The following MUC5B variants were observed in gnomAD, a reference collection of about 807,000 sequenced individuals.
MUC5B encodes mucin-5B.
A neutral mutation model predicts 376.9 loss-of-function variants in MUC5B; 116 were observed. The observed-to-expected ratio is 0.31, with a 90% CI of 0.26 to 0.36. The LOEUF is 0.36. Among genes scored for constraint, MUC5B ranks in the 10% least tolerant of loss-of-function variants. The probability of loss-of-function intolerance (pLI) is 1.00; values close to 1 mark genes in which losing one functional copy is unlikely to be tolerated. For synonymous variants in MUC5B, 3,517 were observed against 3,390.9 expected, an observed-to-expected ratio of 1.04 and a Z score of -1.29; for missense variants, 7,165 against 7,769.9, an observed-to-expected ratio of 0.92 and a Z score of 2.93.
At chr11:1,251,989 C>T (rs1023160263) in intron 31 of MUC5B, among the ~76,000 whole-genome samples, 9 of 150,890 alleles carry the variant, frequency 6.0e-5, no homozygotes, top group Admixed American at 5.3e-4. Context: ...GGCCACAATG[C>T]GTCCCCCTTG....
intron 24 of MUC5B, 136 bp downstream of exon 24, chr11:1,236,698 C>T (rs1311616057): frequency 4.1e-5 from 46 of 1,130,636 alleles, no homozygotes; most frequent in Non-Finnish European, 5.5e-5. Context: ...TGCCTGTGGC[C>T]TCCACAGTGG....
chr11:1,229,023 G>A (rs938615132), intron 8 of MUC5B, 147 bp from the exon 9 acceptor site: 5 of 988,174 alleles, frequency 5.1e-6, no homozygotes, highest in South Asian at 3.5e-5. Context: ...AGCTGCCCAC[G>A]ATGAGGGGCG....
chr11:1,230,036 G>C lies in MUC5B; in HGVS notation c.1252G>C (p.Asp418His). 1 of 1,608,462 alleles carries C rather than the reference G, an allele frequency of 6.2e-7. No homozygotes were observed. The highest frequency in any genetic ancestry group is 1.1e-5 in the South Asian group (1 of 90,632). ...TCSGGLWQCQ[D>H]LPCPGTCSVQ... is the part of the protein sequence containing the mutation. ...CTCCGGGGGGCTATGGCAGTGCCAG[G>C]ACCTGCCGTGCCCTGGCACCTGCTC... is the stretch of plus-strand genomic sequence containing the variant. Residue 418 changes from aspartate to histidine, a missense_variant, in exon 11 of 49, where the codon GAC becomes CAC. Asp to His is a moderately conservative substitution (Grantham distance 81). This residue lies in a region of MUC5B where 640 missense variants were observed against 733.0 expected (regional missense o/e 0.87). Transcript: ENST00000529681.
At position 1,252,841 on chromosome 11, in the gene MUC5B, G is replaced by A. The variant is rs376632079; in HGVS notation, c.15078G>A (p.Thr5026=). Residue 5026 remains threonine, a synonymous_variant, in exon 33 of 49, where the codon ACG becomes ACA. Transcript: ENST00000529681. ...AGACCTGGACCCTGGAGAACTGCAC[G>A]GTGGCCAGGTGCGTGGGTGACAACC... ...VNETWTLENC[T]VARCVGDNRV... is the part of the protein sequence containing the mutation. 336 of 1,611,500 alleles carry A rather than the reference G, an allele frequency of 2.1e-4. No individual in the cohort carries two copies. Among genetic ancestry groups the A allele is most frequent in the Admixed American group, 1.9e-3 (114 of 59,876 alleles).
intron 16 of MUC5B, 49 bp downstream of exon 16, chr11:1,232,593 A>C (rs1226028855): frequency 6.2e-7 from 1 of 1,601,198 alleles, no homozygotes; most frequent in Non-Finnish European, 8.5e-7. Flanking sequence ...TGGGTGGGGG[A>C]GCCCTGGCAG....
Position 1,251,279 on chromosome 11 carries a change from C to G in MUC5B, c.14399C>G (p.Thr4800Arg), listed in dbSNP as rs545880372. ...GTGCTGACCACCACAGCCACCATGA[C>G]AAGGGCCACCAATTCCACGGCCACA... ...STVLTTTATM[T>R]RATNSTATPS... is the part of the protein sequence containing the mutation. The change falls in exon 31 of 49, where the codon ACA becomes AGA. Residue 4800 changes from threonine (T) to arginine (R), a missense_variant. Physicochemically the swap from Thr to Arg is moderately conservative, Grantham distance 71. Transcript: ENST00000529681. 1.2e-6 allele frequency: 2 copies of G among 1,611,530 alleles called. No individual in the cohort carries two copies. The highest frequency in any genetic ancestry group is 8.5e-7 in the Non-Finnish European group (1 of 1,178,354).
Position 1,231,539 on chromosome 11 carries a change from G to A in MUC5B, c.1657G>A (p.Ala553Thr), listed in dbSNP as rs1448515931. The part of the protein sequence containing the change: ...LMQVFVRLDP[A>T]HQGQMCGLCG... ...GCAGGTGTTTGTCAGGCTGGACCCC[G>A]CCCACCAGGGCCAGATGTGCGGTGA... The change falls in exon 14 of 49, where the codon GCC becomes ACC. Residue 553 changes from alanine (A) to threonine (T), a missense_variant. Coordinates refer to ENST00000529681, the MANE Select transcript of MUC5B (RefSeq NM_002458.3). 5.7e-6 allele frequency: 9 copies of A among 1,582,298 alleles called. No homozygotes were observed. Among genetic ancestry groups the A allele is most frequent in the Middle Eastern group, 1.7e-4 (1 of 6,056 alleles).
chr11:1,249,741 C>G lies in MUC5B; in HGVS notation c.12861C>G (p.Thr4287=), dbSNP rs774760188. Residue 4287 remains threonine (T), a synonymous_variant, in exon 31 of 49, where the codon ACC becomes ACG. Transcript: ENST00000529681. ...PPPKVLTSPA[T]TPTATSSKAT... is the part of the protein sequence containing the mutation. ...CCAAAGTGCTGACCAGCCCGGCCAC[C>G]ACACCCACAGCCACCAGTTCCAAAG... The G allele has an allele frequency of 6.2e-7, 1 of 1,612,156 alleles. No individual in the cohort carries two copies. The highest frequency in any genetic ancestry group is 1.7e-5 in the Admixed American group (1 of 59,952).
At position 1,231,366 on chromosome 11, in the gene MUC5B, A is replaced by G. The variant is rs1458552431; in HGVS notation, c.1541-57A>G. 6.5e-6 allele frequency: 10 copies of G among 1,540,092 alleles called. No individual in the cohort carries two copies. The East Asian group carries it at 1.4e-4, about 21-fold the overall frequency. On this transcript the variant is annotated intron_variant, in intron 13 of 48. Coordinates refer to ENST00000529681, the MANE Select transcript of MUC5B (RefSeq NM_002458.3). Reference sequence around the variant, plus strand: ...GCCCACTGGATGCCCTGCCCCTCCAATCTAGCCAGATCTGTCCCTGCACCC... The same window carrying G: ...GCCCACTGGATGCCCTGCCCCTCCAGTCTAGCCAGATCTGTCCCTGCACCC...
At position 1,251,592 on chromosome 11, in the gene MUC5B, C is replaced by T. The variant is rs1159454762; in HGVS notation, c.14712C>T (p.Arg4904=). 1.9e-6 allele frequency: 3 copies of T among 1,613,046 alleles called. No individual in the cohort carries two copies. The highest frequency in any genetic ancestry group is 2.7e-5 in the African/African-American group (2 of 75,066). Residue 4904 remains arginine, a synonymous_variant, in exon 31 of 49, where the codon CGC becomes CGT. Coordinates refer to ENST00000529681, the MANE Select transcript of MUC5B (RefSeq NM_002458.3). ...GCTCGTCCACCGTGGGGACCACCCG[C>T]ACCCCTGCAGTGCTCCCCAGCAGCC... ...VPSSSTVGTT[R]TPAVLPSSLP...
chr11:1,230,676 G>A lies in MUC5B; in HGVS notation c.1470+76G>A, dbSNP rs1279487715. 2.2e-6 allele frequency: 3 copies of A among 1,358,594 alleles called. No homozygotes were observed. In the African/African-American group the frequency reaches 4.3e-5, roughly 19 times the overall value. The allele number at this position is 1,358,594 out of a possible 1,614,324, so 84.2% of individuals were successfully genotyped here. On this transcript the variant is annotated intron_variant, in intron 12 of 48. Transcript: ENST00000529681. ...GTGTGTGGGGAGCAAGCACGGTCAG[G>A]TCCCCCTCCAGCCCCGAGGCCAGGT...
Position 1,246,850 on chromosome 11 carries a change from C to T in MUC5B, c.9970C>T (p.Pro3324Ser). 1 of 1,610,610 alleles carries T rather than the reference C, an allele frequency of 6.2e-7. No homozygotes were observed. The highest frequency in any genetic ancestry group is 1.1e-5 in the South Asian group (1 of 90,964). ...TGFTATPSSS[P>S]GTALTPPVWI... ...CTTCACAGCCACCCCCTCCTCCAGC[C>T]CAGGGACGGCACTCACGCCTCCAGT... The change falls in exon 31 of 49, where the codon CCA (proline) becomes TCA (serine). Residue 3324 changes from proline (P) to serine (S), a missense_variant. Pro to Ser is a moderately conservative substitution (Grantham distance 74). This residue lies in a region of MUC5B where 939 missense variants were observed against 770.6 expected (regional missense o/e 1.22). Transcript: ENST00000529681.
chr11:1,227,945 C>T (rs1052609396), intron 7 of MUC5B, among the ~76,000 whole-genome samples, 164 bp downstream of exon 7: 7 of 152,200 alleles, frequency 4.6e-5, no homozygotes, highest in Admixed American at 2.0e-4. Flanking sequence ...TACACACTGT[C>T]CGAGTGTGGT....
In MUC5B at chr11:1,239,568, T is replaced by G; in HGVS notation, c.3583+2T>G. ...TGGTGGACCTGCCTGGCCTGGAAGGTGAGGGGCAGCCTTTCTTGGATGGAG... is the reference window on the plus strand; with the variant it reads ...TGGTGGACCTGCCTGGCCTGGAAGGGGAGGGGCAGCCTTTCTTGGATGGAG... On this transcript the variant is annotated splice_donor_variant, in intron 27 of 48. Transcript: ENST00000529681. LOFTEE classifies it high-confidence loss of function. 1 of 1,559,642 alleles carries G rather than the reference T, an allele frequency of 6.4e-7. No homozygotes were observed. Among genetic ancestry groups the G allele is most frequent in the Non-Finnish European group, 8.7e-7 (1 of 1,149,138 alleles).
intron 12 of MUC5B, 49 bp downstream of exon 12, chr11:1,230,649 A>T: frequency 1.3e-6 from 2 of 1,519,490 alleles, no homozygotes; most frequent in South Asian, 2.4e-5. Context: ...AGGCATGCGA[A>T]GGTGTGTGGG....
rs896712877 is a variant in MUC5B at position 1,254,810 on chromosome 11, C to G, written c.15594C>G (p.Thr5198=). 2 of 1,612,744 alleles carry G rather than the reference C, an allele frequency of 1.2e-6. No individual in the cohort carries two copies. Among genetic ancestry groups the G allele is most frequent in the Non-Finnish European group, 1.7e-6 (2 of 1,179,810 alleles). The change falls in exon 35 of 49, where the codon ACC becomes ACG. Residue 5198 remains threonine (T), a synonymous_variant. Coordinates refer to ENST00000529681, the MANE Select transcript of MUC5B (RefSeq NM_002458.3). ...VDIPALGVSV[T]FNGQVFQARL... ...TTCCTGCCCTGGGCGTGAGCGTCAC[C>G]TTCAATGGCCAAGTCTTCCAGGCCC...
chr11:1,227,406 C>A lies in MUC5B; in HGVS notation c.667+8C>A. Reference sequence around the variant, plus strand: ...ACGAGTTCTATGCCCACAGTGAGTGCCACCTGGGTGAGGGGGCGGTGACCA... The same window carrying A: ...ACGAGTTCTATGCCCACAGTGAGTGACACCTGGGTGAGGGGGCGGTGACCA... On this transcript the variant is annotated splice_region_variant and intron_variant, in intron 6 of 48. Coordinates refer to ENST00000529681, the MANE Select transcript of MUC5B (RefSeq NM_002458.3). 2 of 1,599,986 alleles carry A rather than the reference C, an allele frequency of 1.3e-6. No homozygotes were observed. The highest frequency in any genetic ancestry group is 1.7e-6 in the Non-Finnish European group (2 of 1,169,906).
chr11:1,248,425 T>C lies in MUC5B; in HGVS notation c.11545T>C (p.Ser3849Pro), dbSNP rs1862559777. ...TTATTTRATG[S>P]VATPSSTPGT... ...GGCCACCACAACCAGGGCCACCGGC[T>C]CTGTGGCCACCCCCTCTTCCACCCC... is the stretch of plus-strand genomic sequence containing the variant. Residue 3849 changes from serine to proline, a missense_variant, in exon 31 of 49, where the codon TCT becomes CCT. Around this residue, in one of 31 missense-constraint regions of MUC5B, gnomAD observed 242 missense variants for 199.0 expected, o/e 1.22. Transcript: ENST00000529681. 6.2e-7 allele frequency: 1 copy of C among 1,609,740 alleles called. No individual in the cohort carries two copies. The highest frequency in any genetic ancestry group is 8.5e-7 in the Non-Finnish European group (1 of 1,178,554).
At position 1,239,517 on chromosome 11, in the gene MUC5B, C is replaced by G; in HGVS notation, c.3534C>G (p.Thr1178=). 1 of 1,603,402 alleles carries G rather than the reference C, an allele frequency of 6.2e-7. No individual in the cohort carries two copies. Among genetic ancestry groups the G allele is most frequent in the Non-Finnish European group, 8.5e-7 (1 of 1,172,608 alleles). ...CCTGCGGGGCACCCTGCCTAAAAACCTGCCGGAACCCCAGTGGGCACTGCC... is the reference window on the plus strand; with the variant it reads ...CCTGCGGGGCACCCTGCCTAAAAACGTGCCGGAACCCCAGTGGGCACTGCC... ...YQPCGAPCLK[T]CRNPSGHCLV... The change falls in exon 27 of 49, where the codon ACC becomes ACG. Residue 1178 remains threonine, a synonymous_variant. Coordinates refer to ENST00000529681, the MANE Select transcript of MUC5B (RefSeq NM_002458.3).
Sources: allele counts gnomAD v4.1 joint callset (sites outside exome capture counted in the v4.1 genomes callset), GRCh38; gene constraint gnomAD v4.1.1; regional missense constraint gnomAD v4.1.1; transcripts MANE v1.5; gene names NCBI Gene and HGNC (gene_info 2026-07-23, HGNC 2026-07-21).